The following BMP1 variants were observed in gnomAD, a reference collection of about 807,000 sequenced individuals.
BMP1 encodes the protein bone morphogenetic protein 1.
Under a neutral mutation model 116.8 loss-of-function variants are expected in BMP1, and 63 were observed. That is an observed-to-expected ratio of 0.54 (90% CI 0.44 to 0.67). BMP1 has a LOEUF of 0.67. BMP1 is among the 30% of genes least tolerant of loss of function. The pLI is 0.00. For synonymous variants in BMP1, 536 were observed against 533.4 expected (o/e 1.00, Z -0.07); for missense variants, 1,183 against 1,358.9 (o/e 0.87, Z 2.04).
In BMP1 at chr8:22,177,060, C is replaced by T. The variant is rs760717454; in HGVS notation, c.651C>T (p.His217=). 1.1e-5 allele frequency: 17 copies of T among 1,612,474 alleles called. No homozygotes were observed. Among genetic ancestry groups the T allele is most frequent in the Admixed American group, 1.7e-5 (1 of 59,846 alleles). ...GCATTGTGGTCCACGAGCTGGGCCA[C>T]GTCGTCGGCTTCTGGCACGAACACA... is the stretch of plus-strand genomic sequence containing the variant. ...KFGIVVHELG[H]VVGFWHEHTR... The change falls in exon 5 of 20, where the codon CAC becomes CAT. Residue 217 remains histidine, a synonymous_variant. Coordinates refer to ENST00000306385, the MANE Select transcript of BMP1 (RefSeq NM_006129.5).
chr8:22,180,401 ACTTCTC>A lies in BMP1; in HGVS notation c.998_1003del (p.Phe333_Ser334del), dbSNP rs1262110979. 1 of 1,613,876 alleles carries A rather than the reference ACTTCTC, an allele frequency of 6.2e-7. No individual in the cohort carries two copies. The highest frequency in any genetic ancestry group is 1.1e-5 in the South Asian group (1 of 91,090). ...GAGACCCTGCAAGACAGCACAGGCA[ACTTCTC>A]CTCCCCTGAATACCCCAATGGCTAC... On this transcript the variant is annotated inframe_deletion, in exon 8 of 20. Coordinates refer to ENST00000306385, the MANE Select transcript of BMP1 (RefSeq NM_006129.5).
rs574623638 is a variant in BMP1, at chr8:22,172,791, A to AT, written c.149-805dup. Among the ~76,000 whole-genome samples the AT allele has an allele frequency of 1.3e-3, 202 of 150,450 alleles. 1 individual carries two copies. Among genetic ancestry groups the AT allele is most frequent in the African/African-American group, 4.8e-3 (195 of 40,888 alleles). On this transcript the variant is annotated intron_variant, in intron 1 of 19. Transcript: ENST00000306385. ...ATCACCATGTCTGGCTAATTTTTGT[A>AT]TTTTTTATAGAGACGGGGTTTCACC...
chr8:22,184,157 A>G (rs1333406131), intron 8 of BMP1, among the ~76,000 whole-genome samples: 1 of 152,250 alleles, frequency 6.6e-6, no homozygotes, highest in East Asian at 1.9e-4. Flanking sequence ...AGGGATGTAC[A>G]GATGCACAAG....
chr8:22,195,521 C>T lies in BMP1; in HGVS notation c.1699C>T (p.Leu567=). ...CTGTGAGCAGCGGTGCCTCAACACC[C>T]TGGGCAGCTACAAGTGCAGCTGTGA... ...GGCEQRCLNT[L]GSYKCSCDPG... The change falls in exon 13 of 20, where the codon CTG becomes TTG. Residue 567 remains leucine, a synonymous_variant. Transcript: ENST00000306385. The T allele has an allele frequency of 2.5e-6, 4 of 1,612,824 alleles. No homozygotes were observed. Among genetic ancestry groups the T allele is most frequent in the Non-Finnish European group, 3.4e-6 (4 of 1,179,794 alleles).
At chr8:22,205,862 A>G (rs1367454848) in intron 16 of BMP1, among the ~76,000 whole-genome samples, 1 of 152,226 alleles carries the variant, frequency 6.6e-6, no homozygotes, top group Non-Finnish European at 1.5e-5. Context: ...GGAGGTGGCC[A>G]CAGAGGGGTG....
chr8:22,182,644 G>C (rs1828656477), intron 8 of BMP1, among the ~76,000 whole-genome samples: 2 of 152,222 alleles, frequency 1.3e-5, no homozygotes, highest in East Asian at 3.8e-4. Context: ...CTTGTTTTCA[G>C]TGAACCCAAA....
rs186344667 is a variant in BMP1 at position 22,173,541 on chromosome 8, C to T, written c.149-61C>T. On this transcript the variant is annotated intron_variant, in intron 1 of 19. Transcript: ENST00000306385. Reference sequence around the variant, plus strand: ...GCCCACAGGGTTGGGGCTAGAAGCACGGTGCACCTAGGGCTGGGTAGGAGG... The same window carrying T: ...GCCCACAGGGTTGGGGCTAGAAGCATGGTGCACCTAGGGCTGGGTAGGAGG... 1.5e-4 allele frequency: 202 copies of T among 1,322,184 alleles called. No homozygotes were observed. In the East Asian group the frequency reaches 3.4e-3, roughly 22 times the overall value. 81.9% of individuals were successfully genotyped at this position (1,322,184 alleles called of 1,614,324 possible). A position where few individuals can be genotyped will look rare whatever the true frequency, so the allele number is the denominator to read the frequency against.
At chr8:22,188,317 C>T (rs1402345095) in intron 8 of BMP1, among the ~76,000 whole-genome samples, 2 of 151,928 alleles carry the variant, frequency 1.3e-5, no homozygotes, top group South Asian at 2.1e-4. Context: ...CACTGGCATG[C>T]GCCATCATGC....
chr8:22,183,950 CCT>C (rs1828697534), intron 8 of BMP1, among the ~76,000 whole-genome samples: 1 of 152,112 alleles, frequency 6.6e-6, no homozygotes, highest in Non-Finnish European at 1.5e-5. Flanking sequence ...TAACATTATC[CCT>C]GTTTTGGATA....
chr8:22,184,726 G>T (rs1172272994), intron 8 of BMP1, among the ~76,000 whole-genome samples: 1 of 152,200 alleles, frequency 6.6e-6, no homozygotes, highest in African/African-American at 2.4e-5. Context: ...TATCCCTACT[G>T]TACAGCCAAG....
At chr8:22,176,111 C>T in intron 2 of BMP1, 32 bp from the exon 3 acceptor site, 3 of 1,607,920 alleles carry the variant, frequency 1.9e-6, no homozygotes, top group Non-Finnish European at 2.6e-6. Context: ...TCTTTCTCTC[C>T]ACTCACTAGT....
chr8:22,181,044 C>T (rs540027527), intron 8 of BMP1, among the ~76,000 whole-genome samples: 47 of 152,334 alleles, frequency 3.1e-4, no homozygotes, highest in African/African-American at 1.1e-3. Context: ...ATGATGCAGG[C>T]GCCTCCAGCA....
chr8:22,180,338 G>T, intron 7 of BMP1, 30 bp from the exon 8 acceptor site: 5 of 1,578,960 alleles, frequency 3.2e-6, no homozygotes, highest in Non-Finnish European at 4.4e-6. Context: ...GGCGCCTGCA[G>T]CCCTGCCCTG....
At chr8:22,201,495 A>C (rs1829262591) in intron 15 of BMP1, 4 of 1,397,542 alleles carry the variant, frequency 2.9e-6, no homozygotes, top group African/African-American at 1.5e-5. Context: ...CTGCTTGTCC[A>C]TGTGTCTATT....
At position 22,173,591 on chromosome 8, in the gene BMP1, T is replaced by C. The variant is rs1828343022; in HGVS notation, c.149-11T>C. 3 of 1,603,478 alleles carry C rather than the reference T, an allele frequency of 1.9e-6. No individual in the cohort carries two copies. Among genetic ancestry groups the C allele is most frequent in the Non-Finnish European group, 2.6e-6 (3 of 1,173,984 alleles). On this transcript the variant is annotated splice_polypyrimidine_tract_variant and intron_variant, in intron 1 of 19. Coordinates refer to ENST00000306385, the MANE Select transcript of BMP1 (RefSeq NM_006129.5). ...GATTAACTCAGCCCTGGCTTCTTCTTTTCTCTTTAGCTGCCTTTCTTGGGG... is the reference window on the plus strand; with the variant it reads ...GATTAACTCAGCCCTGGCTTCTTCTCTTCTCTTTAGCTGCCTTTCTTGGGG...
At position 22,194,859 on chromosome 8, in the gene BMP1, C is replaced by T; in HGVS notation, c.1579C>T (p.Leu527Phe). The T allele has an allele frequency of 6.2e-7, 1 of 1,614,094 alleles. No individual in the cohort carries two copies. The highest frequency in any genetic ancestry group is 1.3e-5 in the African/African-American group (1 of 75,044). Residue 527 changes from leucine (L) to phenylalanine (F), a missense_variant, in exon 12 of 20, where the codon CTC becomes TTC. Physicochemically the swap from Leu to Phe is conservative, Grantham distance 22 (BLOSUM62 0). This residue lies in a region of BMP1 where 956 missense variants were observed against 1,135.2 expected (regional missense o/e 0.84). Transcript: ENST00000306385. This position sits in a 1 kb window ranked among gnomAD's most constrained non-coding sequence, Gnocchi z 4.5. ...CAAGAGCACGTCCAGCCGCCTCTGGCTCAAGTTCGTCTCTGACGGGTCCAT... is the reference window on the plus strand; with the variant it reads ...CAAGAGCACGTCCAGCCGCCTCTGGTTCAAGTTCGTCTCTGACGGGTCCAT... The part of the protein sequence containing the change: ...DIKSTSSRLW[L>F]KFVSDGSINK...
chr8:22,201,660 C>G (rs1301636942), intron 15 of BMP1, 143 bp from the exon 16 acceptor site: 27 of 1,427,140 alleles, frequency 1.9e-5, no homozygotes, highest in Non-Finnish European at 2.5e-5. Context: ...GCCTCCCACT[C>G]CCGGCCACCT....
chr8:22,200,125 C>T (rs1829216231), intron 15 of BMP1, among the ~76,000 whole-genome samples: 1 of 152,202 alleles, frequency 6.6e-6, no homozygotes, highest in Non-Finnish European at 1.5e-5. Context: ...GCTTCTATGC[C>T]AGGCACACCA....
intron 16 of BMP1, among the ~76,000 whole-genome samples, chr8:22,206,363 A>T (rs560278134): frequency 3.3e-5 from 5 of 152,162 alleles, no homozygotes; most frequent in Admixed American, 2.6e-4. Context: ...TTAGCCAGAG[A>T]TGGTGGCGCA....
Sources: allele counts gnomAD v4.1 joint callset (sites outside exome capture counted in the v4.1 genomes callset), GRCh38; gene constraint gnomAD v4.1.1; regional missense constraint gnomAD v4.1.1; non-coding constraint Gnocchi (gnomAD v3.1); transcripts MANE v1.5; gene names NCBI Gene and HGNC (gene_info 2026-07-23, HGNC 2026-07-21).